The following MYH15 variants were observed in gnomAD, a reference collection of about 807,000 sequenced individuals.
MYH15 encodes myosin-15.
MYH15 carries 227 observed loss-of-function variants against 240.5 expected under a neutral mutation model. The ratio of observed to expected loss-of-function variants is 0.94; its 90% CI spans 0.85 to 1.05. The LOEUF (loss-of-function observed/expected upper bound fraction) is 1.05. MYH15 is among the 50% of genes least tolerant of loss of function. The pLI, the probability that MYH15 is intolerant of heterozygous loss-of-function variation, is 0.00. For synonymous variants in MYH15, 785 were observed against 796.7 expected (o/e 0.99, Z 0.25); for missense variants, 2,217 against 2,247.5 (o/e 0.99, Z 0.27).
In MYH15 at chr3:108,428,594, T is replaced by C. The variant is rs1183419304; in HGVS notation, c.3600A>G (p.Glu1200=). ...GTTTCTGCTTGACCTGCTGTAGATT[T>C]TCTACCTGGCCCTCGAGCTCAGCCA... ...DSLAELEGQV[E]NLQQVKQKLE... Residue 1200 remains glutamate, a synonymous_variant, in exon 27 of 41, where the codon GAA becomes GAG. Transcript: ENST00000693548. 14 of 1,613,946 alleles carry C rather than the reference T, an allele frequency of 8.7e-6. No homozygotes were observed. The highest frequency in any genetic ancestry group is 1.2e-5 in the Non-Finnish European group (14 of 1,180,036).
At chr3:108,450,073 T>C (rs2082959974) in intron 21 of MYH15, among the ~76,000 whole-genome samples, 1 of 151,980 alleles carries the variant, frequency 6.6e-6, no homozygotes. Flanking sequence ...TTGGCAAGTA[T>C]GTGGAAAAAG....
At chr3:108,430,018 T>C (rs2107561153) in intron 26 of MYH15, among the ~76,000 whole-genome samples, 1 of 152,324 alleles carries the variant, frequency 6.6e-6, no homozygotes, top group Non-Finnish European at 1.5e-5. Context: ...GAAAAGTTTG[T>C]GTTTTTTTAC....
chr3:108,468,926 C>T (rs138744573), intron 14 of MYH15, among the ~76,000 whole-genome samples: 13 of 152,292 alleles, frequency 8.5e-5, no homozygotes, highest in East Asian at 5.8e-4. Context: ...GAGACAACTA[C>T]GGCTCTTATA....
intron 1 of MYH15, among the ~76,000 whole-genome samples, chr3:108,520,395 C>T (rs930643296): frequency 3.9e-5 from 6 of 152,106 alleles, no homozygotes; most frequent in Non-Finnish European, 7.4e-5. Flanking sequence ...AGAAACCTAC[C>T]TTGGAAAGAT....
In MYH15 at chr3:108,398,768, G is replaced by A. The variant is rs758371116; in HGVS notation, c.5002C>T (p.Arg1668Trp). ...DLKEQVAVAE[R>W]RNSLLQSELE... ...TCAGACTGAAGAAGAGAGTTGCGCC[G>A]CTCAGCCACAGCCACCTGCTCCTTC... Residue 1668 changes from arginine (R) to tryptophan (W), a missense_variant, in exon 35 of 41, where the codon CGG becomes TGG. By Grantham distance (101) the Arg-to-Trp change is moderately radical. Transcript: ENST00000693548. The A allele has an allele frequency of 5.3e-5, 86 of 1,614,008 alleles. 1 individual carries two copies. In the Middle Eastern group the frequency reaches 8.2e-4, roughly 15 times the overall value.
At position 108,383,756 on chromosome 3, in the gene MYH15, A is replaced by T. The variant is rs547582039; in HGVS notation, c.5632-27T>A. The T allele has an allele frequency of 3.6e-5, 53 of 1,458,600 alleles. 1 individual carries two copies. The South Asian group carries it at 5.9e-4, about 16-fold the overall frequency. The allele number at this position is 1,458,600 out of a possible 1,614,324, so 90.4% of individuals were successfully genotyped here. A position where few individuals can be genotyped will look rare whatever the true frequency, so the allele number is the denominator to read the frequency against. On this transcript the variant is annotated intron_variant, in intron 39 of 40. Coordinates refer to ENST00000693548, the MANE Select transcript of MYH15 (RefSeq NM_014981.3). The stretch of plus-strand genomic sequence containing the variant: ...TATAAAAATAAAAAAAAAAAAAAAG[A>T]AATCTCCATGCCTATATAGTCAGGT...
At chr3:108,439,053 G>GAA (rs113630582) in intron 24 of MYH15, among the ~76,000 whole-genome samples, 1 of 141,600 alleles carries the variant, frequency 7.1e-6, no homozygotes, top group African/African-American at 2.6e-5. Flanking sequence ...CAGATAAGAA[G>GAA]AAAAAAAAAA....
chr3:108,431,134 A>G (rs1031152287), intron 25 of MYH15, among the ~76,000 whole-genome samples: 2 of 152,236 alleles, frequency 1.3e-5, no homozygotes, highest in Non-Finnish European at 2.9e-5. Flanking sequence ...ATATCAATAA[A>G]AAAACACAAC....
At chr3:108,447,514 G>A (rs890170951) in intron 21 of MYH15, among the ~76,000 whole-genome samples, 1 of 151,958 alleles carries the variant, frequency 6.6e-6, no homozygotes, top group African/African-American at 2.4e-5. Flanking sequence ...GAGACTATGA[G>A]CAGATTTCTC....
At chr3:108,382,380 G>T (rs1324862977) in intron 40 of MYH15, among the ~76,000 whole-genome samples, 1 of 151,976 alleles carries the variant, frequency 6.6e-6, no homozygotes, top group African/African-American at 2.4e-5. Context: ...CCAACTCTTA[G>T]GCTCTCCTTC....
chr3:108,492,467 G>T, intron 9 of MYH15, 33 bp downstream of exon 9: 1 of 1,483,062 alleles, frequency 6.7e-7, no homozygotes, highest in Admixed American at 1.8e-5. Context: ...TCTTGTTTTG[G>T]AATAACCCTA....
At chr3:108,534,271 T>C (rs959489351), upstream of MYH15, among the ~76,000 whole-genome samples, 8 of 152,320 alleles carry the variant, frequency 5.3e-5, no homozygotes, top group African/African-American at 1.9e-4. Flanking sequence ...AAACCCAATG[T>C]CAGCCATATT....
chr3:108,441,274 G>A lies in MYH15; in HGVS notation c.2656-14C>T, dbSNP rs777484282. ...TGTCTCTTGCTCCTGCCATGATGAGGAGAAAATTGTTGCCAACAGCTGGAA... is the reference window on the plus strand; with the variant it reads ...TGTCTCTTGCTCCTGCCATGATGAGAAGAAAATTGTTGCCAACAGCTGGAA... On this transcript the variant is annotated splice_polypyrimidine_tract_variant and intron_variant, in intron 22 of 40. Coordinates refer to ENST00000693548, the MANE Select transcript of MYH15 (RefSeq NM_014981.3). The A allele has an allele frequency of 1.2e-6, 2 of 1,612,272 alleles. No individual in the cohort carries two copies. Among genetic ancestry groups the A allele is most frequent in the South Asian group, 2.2e-5 (2 of 91,022 alleles).
At position 108,500,161 on chromosome 3, in the gene MYH15, G is replaced by T. The variant is rs762965361; in HGVS notation, c.453C>A (p.His151Gln). The change falls in exon 4 of 41, where the codon CAC (histidine) becomes CAA (glutamine). Residue 151 changes from histidine to glutamine, a missense_variant. Transcript: ENST00000693548. The stretch of plus-strand genomic sequence containing the variant: ...AGGCGTTATTGGCAACAGCAAAGAT[G>T]TGAGGGGGAGCCTCTGATCGCCTCT... ...KGKRRSEAPP[H>Q]IFAVANNAFQ... 1 of 1,614,074 alleles carries T rather than the reference G, an allele frequency of 6.2e-7. No individual in the cohort carries two copies. Among genetic ancestry groups the T allele is most frequent in the East Asian group, 2.2e-5 (1 of 44,882 alleles).
In MYH15 at chr3:108,430,824, T is replaced by C. The variant is rs749286570; in HGVS notation, c.3312+8A>G. 11 of 1,601,886 alleles carry C rather than the reference T, an allele frequency of 6.9e-6. No individual in the cohort carries two copies. Among genetic ancestry groups the C allele is most frequent in the Middle Eastern group, 3.3e-4 (2 of 6,062 alleles). ...ATAAATACACAGGCATATTTGATAATTGATTACCTGAAGCTCTTTAACCGT... is the reference window on the plus strand; with the variant it reads ...ATAAATACACAGGCATATTTGATAACTGATTACCTGAAGCTCTTTAACCGT... On this transcript the variant is annotated splice_region_variant and intron_variant, in intron 26 of 40. Transcript: ENST00000693548.
intron 5 of MYH15, 143 bp from the exon 6 acceptor site, chr3:108,498,288 T>C (rs897818848): frequency 2.7e-5 from 19 of 693,038 alleles, no homozygotes; most frequent in Admixed American, 1.5e-4. Flanking sequence ...TGAGGATATA[T>C]TGACATTTAA....
intron 27 of MYH15, among the ~76,000 whole-genome samples, chr3:108,423,533 T>G (rs1329352737): frequency 6.6e-6 from 1 of 152,242 alleles, no homozygotes; most frequent in East Asian, 1.9e-4. Flanking sequence ...GCTATAGTAG[T>G]GATCAATGTG....
chr3:108,497,091 G>T (rs1270355282), intron 6 of MYH15, among the ~76,000 whole-genome samples: 1 of 148,890 alleles, frequency 6.7e-6, no homozygotes, highest in East Asian at 2.0e-4. Flanking sequence ...AACCCAGGAG[G>T]CGGAGGTTGC....
chr3:108,448,147 A>C (rs1348627837), intron 21 of MYH15, among the ~76,000 whole-genome samples: 1 of 152,094 alleles, frequency 6.6e-6, no homozygotes, highest in Non-Finnish European at 1.5e-5. Flanking sequence ...ATAAAGAGAA[A>C]GGAATACCTA....
Sources: gnomAD v4.1 joint callset for allele counts (sites outside exome capture counted in the v4.1 genomes callset) on GRCh38, gnomAD v4.1.1 for gene constraint, MANE v1.5 for transcripts, NCBI Gene and HGNC (gene_info 2026-07-23, HGNC 2026-07-21) for gene names.